ANKRD31: variants seen among roughly 807,000 people sequenced by gnomAD.
The protein encoded by ANKRD31 is ankyrin repeat domain-containing protein 31.
ANKRD31 carries 147 observed loss-of-function variants against 186.0 expected under a neutral mutation model. That is an observed-to-expected ratio of 0.79 (90% CI 0.69 to 0.91). The LOEUF is 0.91. Among genes scored for constraint, ANKRD31 ranks in the 40% least tolerant of loss-of-function variants. The pLI, the probability that ANKRD31 is intolerant of heterozygous loss-of-function variation, is 0.00. For missense variants in ANKRD31, 1,986 were observed against 2,148.8 expected (o/e 0.92, Z 1.50); for synonymous variants, 673 against 736.4 (o/e 0.91, Z 1.39).
chr5:75,229,380 G>A (rs1757811857), intron 2 of ANKRD31, among the ~76,000 whole-genome samples: 1 of 152,130 alleles, frequency 6.6e-6, no homozygotes, highest in Admixed American at 6.5e-5. Flanking sequence ...GAGGAAAAAG[G>A]CTATATGGGT....
chr5:75,114,904 C>A (rs1461650463), intron 19 of ANKRD31, among the ~76,000 whole-genome samples: 2 of 152,122 alleles, frequency 1.3e-5, no homozygotes, highest in Non-Finnish European at 2.9e-5. Flanking sequence ...TTGGAAAAAA[C>A]TACTTGAAAG....
chr5:75,185,246 T>C (rs1754623276), intron 10 of ANKRD31, among the ~76,000 whole-genome samples: 1 of 151,922 alleles, frequency 6.6e-6, no homozygotes, highest in Non-Finnish European at 1.5e-5. Flanking sequence ...AGACGGTCAA[T>C]GGGTACAAAG....
At chr5:75,188,275 GA>G (rs996380318) in intron 10 of ANKRD31, among the ~76,000 whole-genome samples, 2 of 152,086 alleles carry the variant, frequency 1.3e-5, no homozygotes, top group African/African-American at 4.8e-5. Flanking sequence ...CATAATCTTT[GA>G]AGGAGAAACA....
chr5:75,107,450 A>C, intron 21 of ANKRD31, 71 bp downstream of exon 21: 1 of 1,051,388 alleles, frequency 9.5e-7, no homozygotes, highest in Non-Finnish European at 1.4e-6. Flanking sequence ...AATTCTAGAC[A>C]ACTATTGCAG....
chr5:75,207,959 A>G (rs997959754), intron 4 of ANKRD31, among the ~76,000 whole-genome samples: 3 of 152,120 alleles, frequency 2.0e-5, no homozygotes, highest in Non-Finnish European at 4.4e-5. Flanking sequence ...ATATCTACAT[A>G]TTAGAAACTA....
Position 75,091,311 on chromosome 5 carries a change from C to G in ANKRD31, c.5422G>C (p.Asp1808His), listed in dbSNP as rs1745903793. 4.6e-6 allele frequency: 7 copies of G among 1,536,996 alleles called. No individual in the cohort carries two copies. Among genetic ancestry groups the G allele is most frequent in the Non-Finnish European group, 6.1e-6 (7 of 1,146,852 alleles). The change falls in exon 23 of 26, where the codon GAT becomes CAT. Residue 1808 changes from aspartate to histidine, a missense_variant. By Grantham distance (81) the Asp-to-His change is moderately conservative. Coordinates refer to ENST00000506364, the MANE Select transcript of ANKRD31 (RefSeq NM_001372053.1). ...ACATAACTGTTGCCTCCCAGAAGAT[C>G]CTTGAGCCAGGTGACTGGGTTTTTA... ...IYKNPVTWLK[D>H]LLGGNSYVTW...
rs192796559 is a variant in ANKRD31, at chr5:75,101,194, C to T, written c.5331+3034G>A. Among the ~76,000 whole-genome samples the T allele has an allele frequency of 5.9e-5, 9 of 152,184 alleles. No homozygotes were observed. In the South Asian group the frequency reaches 8.3e-4, roughly 14 times the overall value. The stretch of plus-strand genomic sequence containing the variant: ...CTCCTTCACTTAGGAAGCTTAGTTT[C>T]GCTGGATATGAAATTCTGGGTTGAA... On this transcript the variant is annotated intron_variant, in intron 22 of 25. Coordinates refer to ENST00000506364, the MANE Select transcript of ANKRD31 (RefSeq NM_001372053.1).
chr5:75,152,640 T>C (rs1414339337), intron 12 of ANKRD31, among the ~76,000 whole-genome samples: 2 of 152,166 alleles, frequency 1.3e-5, no homozygotes, highest in East Asian at 1.9e-4. Flanking sequence ...ACAATATTTA[T>C]TCAATAAATA....
chr5:75,120,891 A>G (rs11739254), intron 17 of ANKRD31, among the ~76,000 whole-genome samples: 2,719 of 152,268 alleles, frequency 0.018, 50 homozygotes, highest in Non-Finnish European at 0.027. Flanking sequence ...GTAAAGACAC[A>G]TAGACAAAAG....
chr5:75,185,600 C>T (rs190553820), intron 10 of ANKRD31, among the ~76,000 whole-genome samples: 121 of 151,858 alleles, frequency 8.0e-4, no homozygotes, highest in African/African-American at 2.7e-3. Flanking sequence ...TGATGGTGTC[C>T]TATTGAAGAG....
chr5:75,138,731 T>C, intron 16 of ANKRD31, 115 bp downstream of exon 16: 2 of 1,079,642 alleles, frequency 1.9e-6, no homozygotes, highest in Non-Finnish European at 2.5e-6. Flanking sequence ...AAAAGATTGT[T>C]CAAAGTTATC....
intron 2 of ANKRD31, among the ~76,000 whole-genome samples, chr5:75,227,375 G>C (rs1246381280): frequency 6.6e-6 from 1 of 152,142 alleles, no homozygotes; most frequent in Non-Finnish European, 1.5e-5. Context: ...ACAACAGAGT[G>C]AGTATAGTCA....
At chr5:75,176,220 T>A (rs1404722944) in intron 10 of ANKRD31, among the ~76,000 whole-genome samples, 1 of 152,098 alleles carries the variant, frequency 6.6e-6, no homozygotes, top group Non-Finnish European at 1.5e-5. Flanking sequence ...TTGAGTAGGT[T>A]AACAAAGCGG....
chr5:75,095,313 CA>C (rs901859583), intron 22 of ANKRD31, among the ~76,000 whole-genome samples: 55 of 145,054 alleles, frequency 3.8e-4, no homozygotes, highest in Admixed American at 4.8e-4. Flanking sequence ...ACTAAAAATA[CA>C]AAAAAAAAAA....
At chr5:75,095,320 A>C (rs997486481) in intron 22 of ANKRD31, among the ~76,000 whole-genome samples, 4 of 152,038 alleles carry the variant, frequency 2.6e-5, no homozygotes, top group African/African-American at 9.7e-5. Context: ...ATACAAAAAA[A>C]AAAATTATCC....
Position 75,206,411 on chromosome 5 carries a change from C to A in ANKRD31, c.403G>T (p.Gly135Trp). ...ATATGACTCTACCATGAAAACATAC[C>A]TTCAATATTTTGGTGGTTCAATGAA... ...GLSLNHQNIE[G>W]PEAESPEVLP... Residue 135 changes from glycine to tryptophan, a missense_variant and splice_region_variant, in exon 5 of 26, where the codon GGG becomes TGG. Gly to Trp is a radical substitution (Grantham distance 184). Transcript: ENST00000506364. 6.9e-7 allele frequency: 1 copy of A among 1,459,300 alleles called. No individual in the cohort carries two copies. Among genetic ancestry groups the A allele is most frequent in the South Asian group, 1.4e-5 (1 of 69,926 alleles). 90.4% of individuals were successfully genotyped at this position (1,459,300 alleles called of 1,614,324 possible).
rs1409837095 is a variant in ANKRD31, at chr5:75,138,977, T to G, written c.3602A>C (p.Lys1201Thr). The G allele has an allele frequency of 2.6e-6, 4 of 1,536,168 alleles. No homozygotes were observed. The highest frequency in any genetic ancestry group is 3.5e-6 in the Non-Finnish European group (4 of 1,146,412). ...ATTCCTCTTGTTGATCCTACCTGCTTTCATTCCTGTAAATTTGCCAAACAA... is the reference window on the plus strand; with the variant it reads ...ATTCCTCTTGTTGATCCTACCTGCTGTCATTCCTGTAAATTTGCCAAACAA... The part of the protein sequence containing the change: ...FLKTTCNLGM[K>T]AGRINKRNAR... Residue 1201 changes from lysine (K) to threonine (T), a missense_variant, in exon 16 of 26, where the codon AAA becomes ACA. Transcript: ENST00000506364.
chr5:75,119,036 C>T (rs555338382), intron 17 of ANKRD31, among the ~76,000 whole-genome samples: 1 of 152,200 alleles, frequency 6.6e-6, no homozygotes, highest in East Asian at 1.9e-4. Context: ...AGCTTAGAAA[C>T]CTAATACCCA....
chr5:75,192,668 T>A lies in ANKRD31; in HGVS notation c.1407A>T (p.Lys469Asn). Residue 469 changes from lysine to asparagine, a missense_variant and splice_region_variant, in exon 9 of 26, where the codon AAA becomes AAT. Coordinates refer to ENST00000506364, the MANE Select transcript of ANKRD31 (RefSeq NM_001372053.1). ...AAAAATACTCAAAATATGCATCACC[T>A]TTTTTTCCTGAAAATTGTTCATTTT... ...IRKNEQFSGK[K>N]EKMKVNKISL... The A allele has an allele frequency of 6.6e-7, 1 of 1,507,336 alleles. No individual in the cohort carries two copies. The highest frequency in any genetic ancestry group is 8.9e-7 in the Non-Finnish European group (1 of 1,124,782). 93.4% of individuals were successfully genotyped at this position (1,507,336 alleles called of 1,614,324 possible). A position where few individuals can be genotyped will look rare whatever the true frequency, so the allele number is the denominator to read the frequency against.
Sources: gnomAD v4.1 joint callset for allele counts (sites outside exome capture counted in the v4.1 genomes callset) on GRCh38, gnomAD v4.1.1 for gene constraint, MANE v1.5 for transcripts, NCBI Gene and HGNC (gene_info 2026-07-23, HGNC 2026-07-21) for gene names.